Variants in TRIM67 observed in about 807,000 individuals in gnomAD.
TRIM67 encodes the protein tripartite motif containing 67.
Under a neutral mutation model 71.0 loss-of-function variants are expected in TRIM67, and 39 were observed. That is an observed-to-expected ratio of 0.55 (90% CI 0.43 to 0.72). TRIM67 has a LOEUF of 0.72. Among genes scored for constraint, TRIM67 ranks in the 30% least tolerant of loss-of-function variants. TRIM67 has a pLI of 0.00. For missense variants in TRIM67, 973 were observed against 1,079.2 expected (o/e 0.90, Z 1.38); for synonymous variants, 481 against 473.9 (o/e 1.01, Z -0.19).
chr1:231,165,180 A>G (rs1329013784), intron 1 of TRIM67, among the ~76,000 whole-genome samples: 1 of 152,174 alleles, frequency 6.6e-6, no homozygotes, highest in Admixed American at 6.5e-5. Flanking sequence ...AGGCCAGGGA[A>G]GCTGATAAAC....
At chr1:231,214,074 C>A in intron 9 of TRIM67, 97 bp downstream of exon 9, 1 of 1,375,352 alleles carries the variant, frequency 7.3e-7, no homozygotes, top group Non-Finnish European at 9.7e-7. Flanking sequence ...CATAAAGAAG[C>A]TGACCACAGA....
chr1:231,208,420 C>T (rs1274540729), intron 7 of TRIM67, among the ~76,000 whole-genome samples: 4 of 151,954 alleles, frequency 2.6e-5, no homozygotes, highest in Admixed American at 6.6e-5. Context: ...GTGATCCTCC[C>T]GCCTCGGCCT....
Position 231,209,318 on chromosome 1 carries a change from G to C in TRIM67, c.2123+68G>C, listed in dbSNP as rs1264335407. The C allele has an allele frequency of 1.4e-6, 2 of 1,449,448 alleles. No homozygotes were observed. The highest frequency in any genetic ancestry group is 1.4e-5 in the African/African-American group (1 of 70,164). The allele number at this position is 1,449,448 out of a possible 1,614,324, so 89.8% of individuals were successfully genotyped here. On this transcript the variant is annotated intron_variant, in intron 8 of 9. Coordinates refer to ENST00000366653, the MANE Select transcript of TRIM67 (RefSeq NM_001004342.5). This position sits in a 1 kb window ranked among gnomAD's most constrained non-coding sequence, Gnocchi z 4.1. The stretch of plus-strand genomic sequence containing the variant: ...TTGGGAATGAGGGTCCTGAAGACCA[G>C]TGTCCCTTCTGCTGTCCCCAAAGCC...
chr1:231,167,317 G>GTTTTTTTTTTTTT (rs1340006817), intron 1 of TRIM67, among the ~76,000 whole-genome samples: 1 of 66,772 alleles, frequency 1.5e-5, no homozygotes, highest in Non-Finnish European at 2.9e-5. Flanking sequence ...TCACTCTAAT[G>GTTTTTTTTTTTTT]TCTTTTTTTT....
At chr1:231,187,592 G>A in intron 1 of TRIM67, 3 of 1,525,802 alleles carry the variant, frequency 2.0e-6, no homozygotes, top group Non-Finnish European at 2.6e-6. Context: ...TGTGCCCAAT[G>A]ATGGTGTGAA....
rs373294889 is a variant in TRIM67 at position 231,175,995 on chromosome 1, G to T, written c.1044+11982G>T. Among the ~76,000 whole-genome samples the T allele has an allele frequency of 7.2e-5, 11 of 152,318 alleles. No individual in the cohort carries two copies. In the East Asian group the frequency reaches 1.9e-3, roughly 27 times the overall value. Reference sequence around the variant, plus strand: ...CAGGCTTCTTGCATCTTTGGGGTTTGCTGGGTGTCATGGGAGGGTGGAATG... The same window carrying T: ...CAGGCTTCTTGCATCTTTGGGGTTTTCTGGGTGTCATGGGAGGGTGGAATG... On this transcript the variant is annotated intron_variant, in intron 1 of 9. Coordinates refer to ENST00000366653, the MANE Select transcript of TRIM67 (RefSeq NM_001004342.5).
At chr1:231,200,924 G>A (rs183452306) in intron 4 of TRIM67, among the ~76,000 whole-genome samples, 209 of 152,224 alleles carry the variant, frequency 1.4e-3, no homozygotes, top group African/African-American at 4.7e-3. Context: ...AGAAACACAC[G>A]GGCAGGGGGC....
chr1:231,214,778 CAAAAAA>C, intron 9 of TRIM67, among the ~76,000 whole-genome samples: 1 of 43,934 alleles, frequency 2.3e-5, no homozygotes, highest in African/African-American at 8.3e-5. Flanking sequence ...GACTTCATCT[CAAAAAA>C]AAAAAAAAAA....
Position 231,213,967 on chromosome 1 carries a change from G to T in TRIM67, c.2276G>T (p.Arg759Leu). The T allele has an allele frequency of 6.2e-7, 1 of 1,610,556 alleles. No homozygotes were observed. The highest frequency in any genetic ancestry group is 8.5e-7 in the Non-Finnish European group (1 of 1,178,050). The change falls in exon 9 of 10, where the codon CGC becomes CTC. Residue 759 changes from arginine (R) to leucine (L), a missense_variant. By Grantham distance (102) the Arg-to-Leu change is moderately radical. Around this residue, in one of 2 missense-constraint regions of TRIM67, gnomAD observed 178 missense variants for 247.9 expected, o/e 0.72. Coordinates refer to ENST00000366653, the MANE Select transcript of TRIM67 (RefSeq NM_001004342.5). The part of the protein sequence containing the change: ...GVFMPALSLN[R>L]NVQVTLHTGL... The stretch of plus-strand genomic sequence containing the variant: ...TTCATGCCAGCCCTCAGCCTCAACC[G>T]CAACGTGCAGGTACACACCTCCCCA...
At position 231,163,733 on chromosome 1, in the gene TRIM67, C is replaced by T. The variant is rs1170802469; in HGVS notation, c.764C>T (p.Pro255Leu). ...FAKHRLVQPPPPPPPPAEAAS... is the reference protein window; with the variant it reads ...FAKHRLVQPPLPPPPPAEAAS... ...AAGCATCGCCTGGTGCAGCCGCCGCCGCCGCCGCCGCCGCCCGCCGAGGCA... is the reference window on the plus strand; with the variant it reads ...AAGCATCGCCTGGTGCAGCCGCCGCTGCCGCCGCCGCCGCCCGCCGAGGCA... Residue 255 changes from proline (P) to leucine (L), a missense_variant, in exon 1 of 10, where the codon CCG becomes CTG. Physicochemically the swap from Pro to Leu is moderately conservative, Grantham distance 98 (BLOSUM62 -3). This residue lies in a region of TRIM67 where 795 missense variants were observed against 831.3 expected (regional missense o/e 0.96). Transcript: ENST00000366653. 2.7e-6 allele frequency: 4 copies of T among 1,491,030 alleles called. No individual in the cohort carries two copies. Among genetic ancestry groups the T allele is most frequent in the South Asian group, 1.3e-5 (1 of 78,304 alleles). The allele number at this position is 1,491,030 out of a possible 1,614,324, so 92.4% of individuals were successfully genotyped here.
At chr1:231,172,002 A>G (rs1003941658) in intron 1 of TRIM67, among the ~76,000 whole-genome samples, 1 of 152,088 alleles carries the variant, frequency 6.6e-6, no homozygotes, top group Admixed American at 6.5e-5. Context: ...AGGCTGAGGC[A>G]GAGGGAATGC....
chr1:231,213,748 C>A, intron 8 of TRIM67, 67 bp from the exon 9 acceptor site: 2 of 1,490,024 alleles, frequency 1.3e-6, no homozygotes, highest in Non-Finnish European at 1.8e-6. Flanking sequence ...GTAAATAATT[C>A]TCCTGAGTTA....
In TRIM67 at chr1:231,189,952, T is replaced by C. The variant is rs146166284; in HGVS notation, c.1045-7419T>C. Among the ~76,000 whole-genome samples the C allele has an allele frequency of 9.1e-4, 139 of 152,252 alleles. 2 individuals carry two copies. In the Middle Eastern group the frequency reaches 0.014, roughly 15 times the overall value. On this transcript the variant is annotated intron_variant, in intron 1 of 9. Transcript: ENST00000366653. The stretch of plus-strand genomic sequence containing the variant: ...CAGAAGAGGATTCTCCCTTAGAGCC[T>C]CCAGAAGGAACCAGCCCTGCCCATA...
intron 1 of TRIM67, among the ~76,000 whole-genome samples, chr1:231,187,927 T>C (rs369618216): frequency 6.6e-6 from 1 of 152,318 alleles, no homozygotes; most frequent in African/African-American, 2.4e-5. Flanking sequence ...AGTGAATCTA[T>C]GGGATCTCCC....
intron 1 of TRIM67, among the ~76,000 whole-genome samples, chr1:231,171,917 A>C (rs1467641382): frequency 1.3e-5 from 2 of 152,158 alleles, no homozygotes; most frequent in Admixed American, 1.3e-4. Context: ...CAACAGAGAG[A>C]GACTGCTTCT....
Position 231,215,763 on chromosome 1 carries a change from G to A in TRIM67, c.*323G>A. 8.8e-7 allele frequency: 1 copy of A among 1,132,408 alleles called. No individual in the cohort carries two copies. Among genetic ancestry groups the A allele is most frequent in the Non-Finnish European group, 1.1e-6 (1 of 924,490 alleles). 70.1% of individuals were successfully genotyped at this position (1,132,408 alleles called of 1,614,324 possible). A position where few individuals can be genotyped will look rare whatever the true frequency, so the allele number is the denominator to read the frequency against. ...TTCATGTCTATGTTTCCTGCCATCT[G>A]TTTTCAAAGCTTGTCTTTTTTTGGA... On this transcript the variant is annotated 3_prime_UTR_variant, in exon 10 of 10. Transcript: ENST00000366653.
intron 1 of TRIM67, among the ~76,000 whole-genome samples, chr1:231,179,320 C>G (rs1682839369): frequency 6.6e-6 from 1 of 152,196 alleles, no homozygotes; most frequent in Admixed American, 6.5e-5. Context: ...GTAAGGACAC[C>G]AGTCATAATG....
chr1:231,191,812 C>A (rs1298775921), intron 1 of TRIM67, among the ~76,000 whole-genome samples: 1 of 152,178 alleles, frequency 6.6e-6, no homozygotes, highest in South Asian at 2.1e-4. Flanking sequence ...AGGATTGAGA[C>A]TTGAATATCT....
At chr1:231,201,227 C>G (rs1431437809) in intron 4 of TRIM67, 131 bp from the exon 5 acceptor site, 1 of 907,584 alleles carries the variant, frequency 1.1e-6, no homozygotes, top group Non-Finnish European at 1.6e-6. Context: ...TAATCTCTGC[C>G]ATGGCTCTAG....
Sources: gnomAD v4.1 joint callset for allele counts (sites outside exome capture counted in the v4.1 genomes callset) on GRCh38, gnomAD v4.1.1 for gene constraint, gnomAD v4.1.1 regional missense constraint, Gnocchi (gnomAD v3.1) non-coding constraint, MANE v1.5 for transcripts, NCBI Gene and HGNC (gene_info 2026-07-23, HGNC 2026-07-21) for gene names.